The following CCDC146 variants were observed in gnomAD, a reference collection of about 807,000 sequenced individuals.
CCDC146 encodes coiled-coil domain containing 146.
CCDC146 carries 92 observed loss-of-function variants against 119.3 expected under a neutral mutation model. That is an observed-to-expected ratio of 0.77 (90% CI 0.65 to 0.92). CCDC146 has a LOEUF of 0.92. CCDC146 is among the 40% of genes least tolerant of loss of function. The pLI, the probability that CCDC146 is intolerant of heterozygous loss-of-function variation, is 0.00. For synonymous variants in CCDC146, 372 were observed against 371.8 expected, an observed-to-expected ratio of 1.00 and a Z score of -0.01; for missense variants, 1,000 against 1,103.0, an observed-to-expected ratio of 0.91 and a Z score of 1.32.
intron 2 of CCDC146, among the ~76,000 whole-genome samples, chr7:77,180,300 T>C (rs1791567432): frequency 6.6e-6 from 1 of 151,992 alleles, no homozygotes; most frequent in African/African-American, 2.4e-5. Flanking sequence ...ACACACCCCA[T>C]ATTTTGTTTA....
chr7:77,248,864 C>T (rs1230398196), intron 4 of CCDC146, among the ~76,000 whole-genome samples: 1 of 152,164 alleles, frequency 6.6e-6, no homozygotes, highest in Non-Finnish European at 1.5e-5. Flanking sequence ...TGTATTTTCT[C>T]ATGAATAAGT....
At chr7:77,291,717 GAACAA>G (rs1793947182) in intron 17 of CCDC146, among the ~76,000 whole-genome samples, 2 of 151,938 alleles carry the variant, frequency 1.3e-5, no homozygotes, top group Non-Finnish European at 2.9e-5. Context: ...CAAAACAAAC[GAACAA>G]AACAAAACAC....
intron 2 of CCDC146, among the ~76,000 whole-genome samples, chr7:77,188,869 G>A (rs1791713012): frequency 1.3e-5 from 2 of 152,170 alleles, no homozygotes; most frequent in Admixed American, 1.3e-4. Context: ...AAGTGTCACT[G>A]GCACCTCTTG....
chr7:77,165,956 G>A (rs1321920115), intron 1 of CCDC146, among the ~76,000 whole-genome samples: 3 of 152,158 alleles, frequency 2.0e-5, no homozygotes. Context: ...AAAGATGATT[G>A]CATGTGACAG....
At chr7:77,192,448 C>T (rs2150425738) in intron 2 of CCDC146, among the ~76,000 whole-genome samples, 1 of 152,204 alleles carries the variant, frequency 6.6e-6, no homozygotes, top group East Asian at 1.9e-4. Context: ...TAAGACAAAA[C>T]CCAGTGAGGA....
chr7:77,227,578 T>C (rs1449816874), intron 2 of CCDC146, among the ~76,000 whole-genome samples: 2 of 152,212 alleles, frequency 1.3e-5, no homozygotes, highest in Non-Finnish European at 2.9e-5. Flanking sequence ...GTGCTGGCAT[T>C]ACAGGCGTGA....
chr7:77,272,383 T>G (rs1793541694), intron 9 of CCDC146, among the ~76,000 whole-genome samples: 1 of 152,172 alleles, frequency 6.6e-6, no homozygotes, highest in African/African-American at 2.4e-5. Flanking sequence ...ATACCCTGAT[T>G]CATGGATGAT....
rs536612919 is a variant in CCDC146 at position 77,251,976 on chromosome 7, C to T, written c.450-2530C>T. On this transcript the variant is annotated intron_variant, in intron 4 of 18. Transcript: ENST00000285871. ...CGAGGCTGGCTAACATGGTGAAACC[C>T]CGTCTTTACTGAAAATACAAATATT... Among the ~76,000 whole-genome samples the T allele has an allele frequency of 5.3e-4, 81 of 152,242 alleles. No homozygotes were observed. The Middle Eastern group carries it at 0.01, about 19-fold the overall frequency.
At chr7:77,287,415 C>G in intron 16 of CCDC146, 25 bp from the exon 17 acceptor site, 1 of 1,609,284 alleles carries the variant, frequency 6.2e-7, no homozygotes, top group South Asian at 1.1e-5. Context: ...TTTTTTATTC[C>G]TCTTGAACCA....
intron 1 of CCDC146, among the ~76,000 whole-genome samples, chr7:77,154,843 G>A (rs1168137607): frequency 6.6e-6 from 1 of 151,952 alleles, no homozygotes; most frequent in Non-Finnish European, 1.5e-5. Context: ...TGGGTCAAAT[G>A]GTATTTCTAG....
chr7:77,249,587 G>C (rs1364548021), intron 4 of CCDC146, among the ~76,000 whole-genome samples: 5 of 108,486 alleles, frequency 4.6e-5, no homozygotes, highest in African/African-American at 1.1e-4. Flanking sequence ...ACTTTTTCTT[G>C]CTCTGAAGTT....
intron 4 of CCDC146, chr7:77,246,364 A>T (rs1792949377): frequency 6.6e-6 from 1 of 152,252 alleles, no homozygotes; most frequent in Non-Finnish European, 1.5e-5. Flanking sequence ...ATGTCAGCAT[A>T]TCGGGCTTCC....
intron 11 of CCDC146, among the ~76,000 whole-genome samples, chr7:77,277,913 A>C (rs1793680496): frequency 6.6e-6 from 1 of 152,188 alleles, no homozygotes; most frequent in Admixed American, 6.5e-5. Flanking sequence ...GTATCTTTTG[A>C]TTTGAAGAAC....
intron 2 of CCDC146, among the ~76,000 whole-genome samples, chr7:77,203,878 C>A (rs1792039883): frequency 6.6e-6 from 1 of 152,142 alleles, no homozygotes. Flanking sequence ...TTTCTATAAG[C>A]CGCATATGAA....
At chr7:77,270,376 A>T (rs528613899) in intron 9 of CCDC146, among the ~76,000 whole-genome samples, 3 of 152,232 alleles carry the variant, frequency 2.0e-5, no homozygotes, top group Admixed American at 6.5e-5. Context: ...ATCACAATAA[A>T]TACATTTTTA....
chr7:77,156,603 C>G (rs1030204422), intron 1 of CCDC146, among the ~76,000 whole-genome samples: 7 of 152,086 alleles, frequency 4.6e-5, no homozygotes, highest in African/African-American at 1.2e-4. Context: ...GTATCTATAT[C>G]TTAAAAAATG....
rs191969932 is a variant in CCDC146, at chr7:77,197,095, T to C, written c.156+29271T>C. The C allele has an allele frequency of 1.1e-4, 80 of 699,760 alleles. No individual in the cohort carries two copies. The Admixed American group carries it at 2.2e-3, about 19-fold the overall frequency. 43.3% of individuals were successfully genotyped at this position (699,760 alleles called of 1,614,324 possible). On this transcript the variant is annotated intron_variant, in intron 2 of 18. Transcript: ENST00000285871. ...TTGATAATTGAATCAATGGCAGTAA[T>C]GAAACTTTACTAAACTTACTTGAAC...
intron 2 of CCDC146, among the ~76,000 whole-genome samples, chr7:77,208,718 A>G (rs1324854900): frequency 6.6e-6 from 1 of 152,168 alleles, no homozygotes; most frequent in Non-Finnish European, 1.5e-5. Flanking sequence ...TATACAAATC[A>G]GAAAAATGAA....
At chr7:77,165,696 C>A (rs1460255633) in intron 1 of CCDC146, among the ~76,000 whole-genome samples, 1 of 152,192 alleles carries the variant, frequency 6.6e-6, no homozygotes, top group African/African-American at 2.4e-5. Flanking sequence ...AGTTCTGGAA[C>A]CTACCATGGG....
Sources: allele counts gnomAD v4.1 joint callset (sites outside exome capture counted in the v4.1 genomes callset), GRCh38; gene constraint gnomAD v4.1.1; transcripts MANE v1.5; gene names NCBI Gene and HGNC (gene_info 2026-07-23, HGNC 2026-07-21).